Variants in HDAC4 observed in about 807,000 individuals in gnomAD.
The protein encoded by HDAC4 is histone deacetylase 4, also known as histone deacetylase A.
HDAC4 carries 16 observed loss-of-function variants against 135.1 expected under a neutral mutation model. The ratio of observed to expected loss-of-function variants is 0.12; its 90% CI spans 0.08 to 0.18. The LOEUF is 0.18. HDAC4 is among the 10% of genes least tolerant of loss of function. The pLI, the probability that HDAC4 is intolerant of heterozygous loss-of-function variation, is 1.00. For synonymous variants in HDAC4, 685 were observed against 653.4 expected, an observed-to-expected ratio of 1.05 and a Z score of -0.74; for missense variants, 1,143 against 1,511.8, an observed-to-expected ratio of 0.76 and a Z score of 4.05.
chr2:239,202,806 G>C (rs2045836040), intron 3 of HDAC4, among the ~76,000 whole-genome samples: 1 of 152,212 alleles, frequency 6.6e-6, no homozygotes, highest in Non-Finnish European at 1.5e-5. Context: ...TCATCACCCA[G>C]GGTGATAAAC....
At chr2:239,159,888 G>A (rs1212896550) in intron 6 of HDAC4, among the ~76,000 whole-genome samples, 2 of 152,278 alleles carry the variant, frequency 1.3e-5, no homozygotes, top group Admixed American at 6.5e-5. Flanking sequence ...ACGGGGCCCT[G>A]GGGCCAACCC....
Position 239,194,336 on chromosome 2 carries a change from A to G in HDAC4, c.95-4259T>C, listed in dbSNP as rs115075751. The stretch of plus-strand genomic sequence containing the variant: ...CTTGGAGATTTGTACAAGTTCTGCA[A>G]ATTAATTCAAATTTCATCTTAAAAG... On this transcript the variant is annotated intron_variant, in intron 3 of 26. Transcript: ENST00000543185. Among the ~76,000 whole-genome samples the G allele has an allele frequency of 9.2e-3, 1,397 of 152,328 alleles. 24 individuals are homozygous for G. Among genetic ancestry groups the G allele is most frequent in the African/African-American group, 0.032 (1,313 of 41,574 alleles).
chr2:239,244,850 T>C (rs1162882196), intron 2 of HDAC4, among the ~76,000 whole-genome samples: 2 of 152,254 alleles, frequency 1.3e-5, no homozygotes, highest in African/African-American at 4.8e-5. Context: ...GCCTGGCAGA[T>C]ACTAGGCATA....
Position 239,146,637 on chromosome 2 carries a change from G to A in HDAC4, c.734-1923C>T, listed in dbSNP as rs1231736738. On this transcript the variant is annotated intron_variant, in intron 7 of 26. Transcript: ENST00000543185. This position sits in a 1 kb window ranked among gnomAD's most constrained non-coding sequence, Gnocchi z 4.5. ...CTCCACAGCCCTGCCGGGCACTCCA[G>A]ACTCTTTGTGCAAGAGACTCTTGAG... Among the ~76,000 whole-genome samples, 1 of 152,078 alleles carries A rather than the reference G, an allele frequency of 6.6e-6. No homozygotes were observed. The highest frequency in any genetic ancestry group is 2.4e-5 in the African/African-American group (1 of 41,404).
intron 1 of HDAC4, among the ~76,000 whole-genome samples, chr2:239,364,320 A>G (rs1464369721): frequency 6.6e-6 from 1 of 152,268 alleles, no homozygotes; most frequent in Non-Finnish European, 1.5e-5. Context: ...TTGTGATGTC[A>G]TCATACCACA....
At chr2:239,401,179 C>G (rs1232928537), upstream of HDAC4, among the ~76,000 whole-genome samples, 3 of 151,800 alleles carry the variant, frequency 2.0e-5, no homozygotes, top group African/African-American at 7.3e-5. Context: ...TACGGCTCGG[C>G]CCCGCCTCCC....
At position 239,126,400 on chromosome 2, in the gene HDAC4, A is replaced by AAGCGCAC. The variant is rs376948976; in HGVS notation, c.1533+49_1533+55dup. On this transcript the variant is annotated intron_variant, in intron 12 of 26. Coordinates refer to ENST00000543185, the MANE Select transcript of HDAC4 (RefSeq NM_001378414.1). ...GGGCCAGTGCTGAAGCCTGAGGCTG[A>AAGCGCAC]AGCGCACAGCACACAGCCGCCCTGG... 7 of 1,611,214 alleles carry AAGCGCAC rather than the reference A, an allele frequency of 4.3e-6. No individual in the cohort carries two copies. The African/African-American group carries it at 6.7e-5, about 15-fold the overall frequency.
intron 2 of HDAC4, among the ~76,000 whole-genome samples, chr2:239,324,625 T>G (rs778143149): frequency 6.6e-6 from 1 of 152,176 alleles, no homozygotes; most frequent in East Asian, 1.9e-4. Context: ...GGTGACAGGA[T>G]GGTCGGAAGA....
Position 239,066,760 on chromosome 2 carries a change from C to A in HDAC4, c.2965G>T (p.Ala989Ser). ...AAGGCAGAAACACATGCTTCCGAGG[C>A]GTCGCAAATGGCGGTCAGGTCGTGG... ...GGHDLTAICD[A>S]SEACVSALLG... The change falls in exon 24 of 27, where the codon GCC becomes TCC. Residue 989 changes from alanine to serine, a missense_variant. This residue lies in a region of HDAC4 where 189 missense variants were observed against 317.6 expected (regional missense o/e 0.60). Coordinates refer to ENST00000543185, the MANE Select transcript of HDAC4 (RefSeq NM_001378414.1). 1.9e-6 allele frequency: 3 copies of A among 1,613,970 alleles called. No individual in the cohort carries two copies. The highest frequency in any genetic ancestry group is 2.2e-5 in the South Asian group (2 of 91,090).
chr2:239,374,828 G>T (rs573743607), intron 1 of HDAC4, among the ~76,000 whole-genome samples: 17 of 152,324 alleles, frequency 1.1e-4, no homozygotes, highest in African/African-American at 3.8e-4. Context: ...ACCTAAACCT[G>T]GACGAGAGCC....
At chr2:239,084,890 C>G (rs978187856) in intron 19 of HDAC4, among the ~76,000 whole-genome samples, 1 of 151,184 alleles carries the variant, frequency 6.6e-6, no homozygotes, top group Non-Finnish European at 1.5e-5. Context: ...CCACCCCCCC[C>G]ACGTAGACAC....
intron 9 of HDAC4, among the ~76,000 whole-genome samples, chr2:239,136,244 C>T (rs2040947488): frequency 6.6e-6 from 1 of 152,178 alleles, no homozygotes; most frequent in East Asian, 1.9e-4. Flanking sequence ...TCTCTACCTC[C>T]ATGACAGCAA....
At chr2:239,124,564 A>G (rs1439836517) in intron 12 of HDAC4, among the ~76,000 whole-genome samples, 1 of 146,586 alleles carries the variant, frequency 6.8e-6, no homozygotes, top group Non-Finnish European at 1.5e-5. Flanking sequence ...GTTATATGAC[A>G]TTCCAGTGTG....
At chr2:239,357,690 C>A (rs1290408933) in intron 1 of HDAC4, among the ~76,000 whole-genome samples, 1 of 150,848 alleles carries the variant, frequency 6.6e-6, no homozygotes, top group Non-Finnish European at 1.5e-5. Flanking sequence ...TCGAGAGCAG[C>A]CTGGGCAACA....
At chr2:239,101,249 C>T (rs1182943303) in intron 16 of HDAC4, among the ~76,000 whole-genome samples, 1 of 152,212 alleles carries the variant, frequency 6.6e-6, no homozygotes, top group Non-Finnish European at 1.5e-5. Context: ...GCAGCGTGAC[C>T]GCCACCCCAG....
chr2:239,353,314 C>T (rs980424052), intron 1 of HDAC4, among the ~76,000 whole-genome samples: 19 of 152,212 alleles, frequency 1.2e-4, no homozygotes, highest in African/African-American at 4.6e-4. Flanking sequence ...CACGCCCCAC[C>T]AACTTCCTTC....
intron 7 of HDAC4, chr2:239,155,018 C>A (rs1253689410): frequency 6.6e-6 from 1 of 152,390 alleles, no homozygotes; most frequent in Non-Finnish European, 1.5e-5. Context: ...CCCGATACGG[C>A]CCACTCCTCT....
chr2:239,368,768 T>G (rs948929163), intron 1 of HDAC4, among the ~76,000 whole-genome samples: 1 of 151,892 alleles, frequency 6.6e-6, no homozygotes, highest in Non-Finnish European at 1.5e-5. Flanking sequence ...ACTGCTGGAG[T>G]GGACCCTCCT....
intron 3 of HDAC4, among the ~76,000 whole-genome samples, chr2:239,196,236 C>T (rs1204341252): frequency 6.6e-6 from 1 of 152,124 alleles, no homozygotes; most frequent in Non-Finnish European, 1.5e-5. Flanking sequence ...TGTCCTTCAC[C>T]CTTTATTTAT....
Sources: allele counts gnomAD v4.1 joint callset (sites outside exome capture counted in the v4.1 genomes callset), GRCh38; gene constraint gnomAD v4.1.1; regional missense constraint gnomAD v4.1.1; non-coding constraint Gnocchi (gnomAD v3.1); transcripts MANE v1.5; gene names NCBI Gene and HGNC (gene_info 2026-07-23, HGNC 2026-07-21).